The following DCC variants were observed in gnomAD, a reference collection of about 807,000 sequenced individuals.
DCC encodes DCC netrin 1 receptor.
A neutral mutation model predicts 172.5 loss-of-function variants in DCC; 58 were observed. That is an observed-to-expected ratio of 0.34 (90% CI 0.27 to 0.42). The LOEUF (loss-of-function observed/expected upper bound fraction) is 0.42. DCC is among the 10% of genes least tolerant of loss of function. DCC has a pLI of 1.00. For synonymous variants in DCC, 709 were observed against 644.5 expected (o/e 1.10, Z -1.52); for missense variants, 1,740 against 1,791.0 (o/e 0.97, Z 0.51).
At chr18:52,837,512 C>T (rs181106107) in intron 2 of DCC, among the ~76,000 whole-genome samples, 20 of 152,294 alleles carry the variant, frequency 1.3e-4, no homozygotes, top group African/African-American at 4.3e-4. Flanking sequence ...CTTTGCATAA[C>T]GAGAGTGACC....
rs1599114627 is a variant in DCC, at chr18:53,086,278, T to C, written c.1261+20112T>C. Among the ~76,000 whole-genome samples, 3 of 38,612 alleles carry C rather than the reference T, an allele frequency of 7.8e-5. 1 individual carries two copies. Among genetic ancestry groups the C allele is most frequent in the Non-Finnish European group, 1.5e-4 (3 of 20,638 alleles). 25.3% of individuals were successfully genotyped at this position (38,612 alleles called of 152,430 possible). On this transcript the variant is annotated intron_variant, in intron 7 of 28. Transcript: ENST00000442544. ...CTTCTTCTTCTTCTTCTTCTTCCTT[T>C]CTTCTTCTTCTTCTTCTTCCTTTCT...
chr18:53,395,801 C>T (rs1167953714), intron 17 of DCC, among the ~76,000 whole-genome samples: 2 of 152,064 alleles, frequency 1.3e-5, no homozygotes, highest in Admixed American at 6.6e-5. Context: ...TGCTACCATG[C>T]CCAGTTAATT....
At chr18:53,409,346 T>C (rs533113211) in intron 19 of DCC, among the ~76,000 whole-genome samples, 4 of 152,208 alleles carry the variant, frequency 2.6e-5, no homozygotes, top group East Asian at 1.9e-4. Flanking sequence ...AAGGAAAGAA[T>C]AGGTAAATCA....
At chr18:53,211,724 AAAAATAAAAT>A (rs887206339) in intron 11 of DCC, among the ~76,000 whole-genome samples, 2 of 152,070 alleles carry the variant, frequency 1.3e-5, no homozygotes, top group African/African-American at 4.8e-5. Context: ...ACTCTGTCTC[AAAAATAAAAT>A]AAAATAAAAT....
intron 5 of DCC, among the ~76,000 whole-genome samples, chr18:52,996,772 CTTTTTTT>C (rs66600556): frequency 8.5e-6 from 1 of 117,166 alleles, no homozygotes; most frequent in Non-Finnish European, 1.8e-5. Flanking sequence ...TCACCTTTTT[CTTTTTTT>C]TTTTTTTTTT....
chr18:52,539,955 C>A (rs570942580), intron 1 of DCC, among the ~76,000 whole-genome samples: 1 of 152,244 alleles, frequency 6.6e-6, no homozygotes, highest in African/African-American at 2.4e-5. Context: ...GTGGGAAATC[C>A]TGCTAATTCC....
At chr18:52,973,029 A>G (rs1360304751) in intron 5 of DCC, among the ~76,000 whole-genome samples, 1 of 152,190 alleles carries the variant, frequency 6.6e-6, no homozygotes, top group African/African-American at 2.4e-5. Flanking sequence ...TTCAATATTC[A>G]TGTTTCGACA....
intron 1 of DCC, among the ~76,000 whole-genome samples, chr18:52,508,240 C>G (rs1277404554): frequency 6.6e-6 from 1 of 152,168 alleles, no homozygotes; most frequent in Admixed American, 6.5e-5. Context: ...CACCTACTAA[C>G]AGTTTGTGCT....
intron 1 of DCC, among the ~76,000 whole-genome samples, chr18:52,359,252 T>A (rs1459237452): frequency 6.6e-6 from 1 of 152,184 alleles, no homozygotes; most frequent in Non-Finnish European, 1.5e-5. Context: ...GAGGTACACA[T>A]GTGGTACAAA....
chr18:53,220,846 A>G (rs1206882602), intron 12 of DCC, among the ~76,000 whole-genome samples: 4 of 152,018 alleles, frequency 2.6e-5, no homozygotes, highest in African/African-American at 9.7e-5. Flanking sequence ...CCAGGGGCCT[A>G]TGATTGAAAG....
chr18:53,462,782 C>T (rs2045576165), intron 24 of DCC, among the ~76,000 whole-genome samples: 1 of 152,076 alleles, frequency 6.6e-6, no homozygotes, highest in Non-Finnish European at 1.5e-5. Flanking sequence ...AGGCTTACCA[C>T]CTAACACAGC....
At chr18:53,010,294 A>T (rs1179522213) in intron 5 of DCC, among the ~76,000 whole-genome samples, 3 of 151,780 alleles carry the variant, frequency 2.0e-5, no homozygotes, top group Admixed American at 6.6e-5. Flanking sequence ...TCTAATCTAA[A>T]ATTGCTTTGG....
At position 53,513,905 on chromosome 18, in the gene DCC, A is replaced by G. The variant is rs373703075; in HGVS notation, c.4112-12712A>G. Among the ~76,000 whole-genome samples the G allele has an allele frequency of 4.8e-4, 73 of 151,228 alleles. No homozygotes were observed. The South Asian group carries it at 0.012, about 24-fold the overall frequency. On this transcript the variant is annotated intron_variant, in intron 27 of 28. Transcript: ENST00000442544. ...CACTGTCAACATTAGACAGATCAACAAGACAGAAAGTCAACAAGGATACCC... is the reference window on the plus strand; with the variant it reads ...CACTGTCAACATTAGACAGATCAACGAGACAGAAAGTCAACAAGGATACCC...
chr18:53,354,457 A>G (rs1166185810), intron 15 of DCC, among the ~76,000 whole-genome samples: 1 of 152,056 alleles, frequency 6.6e-6, no homozygotes, highest in Non-Finnish European at 1.5e-5. Flanking sequence ...TCGCCATTCT[A>G]ACTGGTGTGA....
chr18:52,680,207 A>G (rs568371987), intron 1 of DCC, among the ~76,000 whole-genome samples: 106 of 152,222 alleles, frequency 7.0e-4, no homozygotes, highest in African/African-American at 2.2e-3. Context: ...TAAACAGACA[A>G]TTACATTATG....
chr18:53,346,376 T>A (rs993689547), intron 15 of DCC, among the ~76,000 whole-genome samples: 1 of 152,168 alleles, frequency 6.6e-6, no homozygotes, highest in Non-Finnish European at 1.5e-5. Context: ...TTTTCCCCAC[T>A]ATTCACCACA....
At chr18:52,505,421 A>G (rs557342880) in intron 1 of DCC, among the ~76,000 whole-genome samples, 2 of 152,216 alleles carry the variant, frequency 1.3e-5, no homozygotes, top group South Asian at 4.1e-4. Flanking sequence ...ATTTCAACAC[A>G]GTTCTTCTCC....
chr18:52,883,524 A>G (rs2039524101), intron 2 of DCC, among the ~76,000 whole-genome samples: 1 of 151,830 alleles, frequency 6.6e-6, no homozygotes, highest in South Asian at 2.1e-4. Context: ...AGACTATCTT[A>G]TAACTCACTC....
At chr18:53,132,848 T>C (rs1350950656) in intron 7 of DCC, among the ~76,000 whole-genome samples, 1 of 152,194 alleles carries the variant, frequency 6.6e-6, no homozygotes, top group African/African-American at 2.4e-5. Context: ...CTGAAAGCTA[T>C]GCCAAGAACA....
Sources: allele counts gnomAD v4.1 joint callset (sites outside exome capture counted in the v4.1 genomes callset), GRCh38; gene constraint gnomAD v4.1.1; transcripts MANE v1.5; gene names NCBI Gene and HGNC (gene_info 2026-07-23, HGNC 2026-07-21).